Variants in KRT2 observed in about 807,000 individuals in gnomAD.
KRT2 encodes the protein keratin 2, also known as keratin, type II cytoskeletal 2 epidermal.
In KRT2, 37 loss-of-function variants were observed where a neutral mutation model predicts 48.5. The observed-to-expected ratio is 0.76, with a 90% CI of 0.59 to 1.00. The LOEUF is 1.00. Ranked by LOEUF, KRT2 falls within the 50% of genes least tolerant of loss-of-function variation. The pLI is 0.00. For synonymous variants in KRT2, 324 were observed against 312.2 expected (o/e 1.04, Z -0.40); for missense variants, 880 against 815.2 (o/e 1.08, Z -0.97).
intron 1 of KRT2, 46 bp downstream of exon 1, chr12:52,651,512 G>A: frequency 1.4e-6 from 2 of 1,393,570 alleles, no homozygotes; most frequent in East Asian, 2.3e-5. Context: ...GGCTCTGGAA[G>A]TGAAGTGGCC....
At chr12:52,647,966 C>A in intron 5 of KRT2, 111 bp from the exon 6 acceptor site, 3 of 1,425,564 alleles carry the variant, frequency 2.1e-6, no homozygotes, top group Non-Finnish European at 2.9e-6. Context: ...GTCAACCCAG[C>A]TAAATGTCAT....
chr12:52,651,070 G>C (rs1334533085), intron 1 of KRT2, among the ~76,000 whole-genome samples: 1 of 152,190 alleles, frequency 6.6e-6, no homozygotes, highest in African/African-American at 2.4e-5. Flanking sequence ...ACACTCCGAA[G>C]TGACACCAAT....
chr12:52,649,316 G>A (rs1257360375), intron 3 of KRT2, among the ~76,000 whole-genome samples: 1 of 152,142 alleles, frequency 6.6e-6, no homozygotes, highest in Non-Finnish European at 1.5e-5. Context: ...ACAGCCCTCA[G>A]GACCATCAGA....
Position 52,645,040 on chromosome 12 carries a change from G to T in KRT2, c.1899C>A (p.Ser633Arg). The change falls in exon 9 of 9, where the codon AGC becomes AGA. Residue 633 changes from serine (S) to arginine (R), a missense_variant. Ser to Arg is a moderately radical substitution (Grantham distance 110). Coordinates refer to ENST00000309680, the MANE Select transcript of KRT2 (RefSeq NM_000423.3). ...KGSSGEAFGS[S>R]VTFSFR ...ATCTTTATCTAAAAGAGAAGGTCAC[G>T]CTGGAACCAAAAGCTTCACCTGAGC... is the stretch of plus-strand genomic sequence containing the variant. 5.6e-6 allele frequency: 9 copies of T among 1,614,030 alleles called. No individual in the cohort carries two copies. The highest frequency in any genetic ancestry group is 7.6e-6 in the Non-Finnish European group (9 of 1,180,014).
rs1279947620 is a variant in KRT2 at position 52,649,940 on chromosome 12, C to T, written c.835G>A (p.Glu279Lys). ...TTTTTAAGCGTCACAAAATCATTCT[C>T]AGCAGCTGTGCGCTTATTGATTTCA... ...EDEINKRTAAENDFVTLKKDV... is the reference protein window; with the variant it reads ...EDEINKRTAAKNDFVTLKKDV... Residue 279 changes from glutamate to lysine, a missense_variant, in exon 3 of 9, where the codon GAG becomes AAG. By Grantham distance (56) the Glu-to-Lys change is moderately conservative. Transcript: ENST00000309680. The T allele has an allele frequency of 6.2e-7, 1 of 1,613,898 alleles. No individual in the cohort carries two copies. The highest frequency in any genetic ancestry group is 1.1e-5 in the South Asian group (1 of 91,062).
Position 52,644,784 on chromosome 12 carries a change from A to G in KRT2, c.*235T>C. 1.7e-6 allele frequency: 1 copy of G among 586,122 alleles called. No homozygotes were observed. Among genetic ancestry groups the G allele is most frequent in the Non-Finnish European group, 3.0e-6 (1 of 331,818 alleles). The allele number at this position is 586,122 out of a possible 1,614,324, so 36.3% of individuals were successfully genotyped here. A position where few individuals can be genotyped will look rare whatever the true frequency, so the allele number is the denominator to read the frequency against. On this transcript the variant is annotated 3_prime_UTR_variant, in exon 9 of 9. Coordinates refer to ENST00000309680, the MANE Select transcript of KRT2 (RefSeq NM_000423.3). ...GGAATGGGCATGGCTAGAAGCACAA[A>G]CCTAGACAGCACAGATTCCGCCCCA...
chr12:52,645,136 GCCACCTCCAGAGCTGTGTTTT>G lies in KRT2; in HGVS notation c.1782_1802del (p.Lys595_Gly601del). 6.2e-7 allele frequency: 1 copy of G among 1,613,428 alleles called. No homozygotes were observed. Among genetic ancestry groups the G allele is most frequent in the Non-Finnish European group, 8.5e-7 (1 of 1,179,912 alleles). ...CTCCAGAGCTGGAGCCTCCTCTAGA[GCCACCTCCAGAGCTGTGTTTT>G]CCACCTCCAGAGCCATATCCTCCTC... On this transcript the variant is annotated inframe_deletion, in exon 9 of 9. Transcript: ENST00000309680.
At position 52,651,753 on chromosome 12, in the gene KRT2, A is replaced by G. The variant is rs140556034; in HGVS notation, c.390T>C (p.Gly130=). The change falls in exon 1 of 9, where the codon GGT becomes GGC. Residue 130 remains glycine, a synonymous_variant. Coordinates refer to ENST00000309680, the MANE Select transcript of KRT2 (RefSeq NM_000423.3). ...CAGGACCCCCTAAACCTCCAACACC[A>G]CCAGGGCCCCCAAAACCTCCAAAGC... ...GGRFGGFGGP[G]GVGGLGGPGG... 51 of 1,613,766 alleles carry G rather than the reference A, an allele frequency of 3.2e-5. No individual in the cohort carries two copies. In the African/African-American group the frequency reaches 6.3e-4, roughly 20 times the overall value.
chr12:52,646,192 A>G (rs1941159147), intron 7 of KRT2, among the ~76,000 whole-genome samples: 1 of 152,200 alleles, frequency 6.6e-6, no homozygotes, highest in African/African-American at 2.4e-5. Context: ...AAGTCACCCA[A>G]GATGCTGATA....
Position 52,649,957 on chromosome 12 carries a change from T to A in KRT2, c.818A>T (p.Asn273Ile), listed in dbSNP as rs878872183. 6.2e-7 allele frequency: 1 copy of A among 1,613,198 alleles called. No homozygotes were observed. The change falls in exon 3 of 9, where the codon AAT becomes ATT. Residue 273 changes from asparagine (N) to isoleucine (I), a missense_variant. Transcript: ENST00000309680. ...ATCATTCTCAGCAGCTGTGCGCTTA[T>A]TGATTTCATCCTCATACCTATTGGG... is the stretch of plus-strand genomic sequence containing the variant. ...DYKKKYEDEI[N>I]KRTAAENDFV... is the part of the protein sequence containing the mutation.
chr12:52,646,630 C>T (rs775375265), intron 7 of KRT2, 110 bp downstream of exon 7: 131 of 1,210,340 alleles, frequency 1.1e-4, no homozygotes, highest in Middle Eastern at 2.6e-4. Context: ...TCTCAGTTGT[C>T]AGGAGGGCCT....
At position 52,649,904 on chromosome 12, in the gene KRT2, TCTCG is replaced by T; in HGVS notation, c.861+6_861+9del. 6.2e-7 allele frequency: 1 copy of T among 1,611,100 alleles called. No homozygotes were observed. On this transcript the variant is annotated splice_donor_region_variant and intron_variant, in intron 3 of 8. Coordinates refer to ENST00000309680, the MANE Select transcript of KRT2 (RefSeq NM_000423.3). ...ATCCCCACCCCCAGCCAAGACATTC[TCTCG>T]CTCACCTTTTTAAGCGTCACAAAAT...
rs745407686 is a variant in KRT2, at chr12:52,646,829, C to G, written c.1380G>C (p.Leu460=). Residue 460 remains leucine (L), a synonymous_variant, in exon 7 of 9, where the codon CTG becomes CTC. Transcript: ENST00000309680. ...QQAKEDLARL[L]RDYQELMNVK... ...CGTTCATCAGCTCCTGGTAGTCACG[C>G]AGCAGCCGCGCCAAGTCCTCCTTGG... 50 of 1,614,082 alleles carry G rather than the reference C, an allele frequency of 3.1e-5. No homozygotes were observed. Among genetic ancestry groups the G allele is most frequent in the Non-Finnish European group, 5.9e-6 (7 of 1,180,032 alleles).
chr12:52,648,472 C>T (rs1037835900), intron 4 of KRT2, 135 bp from the exon 5 acceptor site: 77 of 813,192 alleles, frequency 9.5e-5, no homozygotes, highest in Non-Finnish European at 2.2e-6. Flanking sequence ...AATCATGTAA[C>T]CGTCTACTCC....
In KRT2 at chr12:52,645,137, C is replaced by G; in HGVS notation, c.1802G>C (p.Gly601Ala). Residue 601 changes from glycine to alanine, a missense_variant, in exon 9 of 9, where the codon GGC (glycine) becomes GCC (alanine). Physicochemically the swap from Gly to Ala is moderately conservative, Grantham distance 60. Coordinates refer to ENST00000309680, the MANE Select transcript of KRT2 (RefSeq NM_000423.3). ...SGGGKHSSGG[G>A]SRGGSSSGGG... ...TCCAGAGCTGGAGCCTCCTCTAGAG[C>G]CACCTCCAGAGCTGTGTTTTCCACC... is the stretch of plus-strand genomic sequence containing the variant. 6.2e-7 allele frequency: 1 copy of G among 1,613,872 alleles called. No homozygotes were observed. Among genetic ancestry groups the G allele is most frequent in the Non-Finnish European group, 8.5e-7 (1 of 1,179,980 alleles).
Position 52,651,960 on chromosome 12 carries a change from C to T in KRT2, c.183G>A (p.Arg61=), listed in dbSNP as rs1271966818. ...TGGTCCCTCCAAGGCCAACAAGACT[C>T]CGACTGCCAAAGCCGCCTCCACCGA... The part of the protein sequence containing the change: ...GGFGGGGFGS[R]SLVGLGGTKS... Residue 61 remains arginine, a synonymous_variant, in exon 1 of 9, where the codon CGG becomes CGA. Coordinates refer to ENST00000309680, the MANE Select transcript of KRT2 (RefSeq NM_000423.3). 5.0e-6 allele frequency: 8 copies of T among 1,613,322 alleles called. No individual in the cohort carries two copies. Among genetic ancestry groups the T allele is most frequent in the Non-Finnish European group, 5.9e-6 (7 of 1,179,726 alleles).
chr12:52,647,420 C>T (rs908174981), intron 6 of KRT2, among the ~76,000 whole-genome samples: 5 of 152,232 alleles, frequency 3.3e-5, no homozygotes, highest in African/African-American at 9.6e-5. Flanking sequence ...GAAGCTCCAT[C>T]GGCAATCTGC....
At chr12:52,647,068 C>A in intron 6 of KRT2, 108 bp from the exon 7 acceptor site, 2 of 988,830 alleles carry the variant, frequency 2.0e-6, no homozygotes, top group Non-Finnish European at 3.2e-6. Flanking sequence ...GTGTTAGGTC[C>A]CCTCTGGAGT....
chr12:52,649,802 C>A, intron 3 of KRT2, 112 bp downstream of exon 3: 2 of 839,670 alleles, frequency 2.4e-6, no homozygotes, highest in East Asian at 4.9e-5. Context: ...TCACTCCTTT[C>A]TCTGGCTGCT....
Sources: gnomAD v4.1 joint callset for allele counts (sites outside exome capture counted in the v4.1 genomes callset) on GRCh38, gnomAD v4.1.1 for gene constraint, MANE v1.5 for transcripts, NCBI Gene and HGNC (gene_info 2026-07-23, HGNC 2026-07-21) for gene names.